The following ZBTB37 variants were observed in gnomAD, a reference collection of about 807,000 sequenced individuals.
ZBTB37 encodes the protein zinc finger and BTB domain containing 37.
ZBTB37 carries 15 observed loss-of-function variants against 37.7 expected under a neutral mutation model. That is an observed-to-expected ratio of 0.40 (90% CI 0.27 to 0.61). The LOEUF (loss-of-function observed/expected upper bound fraction) is 0.61, where lower values mean the gene tolerates loss of function less well. Among genes scored for constraint, ZBTB37 ranks in the 20% least tolerant of loss-of-function variants. The pLI, the probability that ZBTB37 is intolerant of heterozygous loss-of-function variation, is 0.44. For synonymous variants in ZBTB37, 231 were observed against 220.6 expected (o/e 1.05, Z -0.42); for missense variants, 514 against 641.9 (o/e 0.80, Z 2.15).
At chr1:173,889,781 A>T (rs1656772127), downstream of ZBTB37, 1 of 152,240 alleles carries the variant, frequency 6.6e-6, no homozygotes, top group Non-Finnish European at 1.5e-5. Flanking sequence ...ATAGAGGGTT[A>T]AATCTAATCT....
chr1:173,899,597 T>G (rs1291482268), exon 4 of ZBTB37: 2 of 152,214 alleles, frequency 1.3e-5, no homozygotes, highest in East Asian at 3.8e-4. Flanking sequence ...TTCTTCATAT[T>G]GGTTGCACAT....
chr1:173,892,449 T>C (rs1287309851), exon 4 of ZBTB37: 1 of 152,234 alleles, frequency 6.6e-6, no homozygotes, highest in Admixed American at 6.5e-5. Context: ...CAGGCTTTTT[T>C]GTTCAGGATA....
chr1:173,885,548 G>T, intron 4 of ZBTB37, 88 bp from the exon 5 acceptor site: 1 of 1,143,280 alleles, frequency 8.7e-7, no homozygotes, highest in Non-Finnish European at 1.2e-6. Context: ...ATATATCTTA[G>T]TAACAAGTAA....
chr1:173,873,549 A>C (rs764298448), exon 4 of ZBTB37: 1 of 1,614,026 alleles, frequency 6.2e-7, no homozygotes, highest in South Asian at 1.1e-5. Flanking sequence ...GGATGAGCCT[A>C]AGCAACCCAG....
exon 4 of ZBTB37, chr1:173,894,618 A>G (rs1228785465): frequency 6.6e-6 from 1 of 152,248 alleles, no homozygotes; most frequent in Non-Finnish European, 1.5e-5. Flanking sequence ...GGCCAGGCCT[A>G]GAATTATCAT....
exon 4 of ZBTB37, chr1:173,897,288 T>C (rs1657086620): frequency 6.6e-6 from 1 of 152,220 alleles, no homozygotes; most frequent in Admixed American, 6.5e-5. Flanking sequence ...CTATGAGAGC[T>C]TTTTGTTACT....
chr1:173,899,911 A>G (rs1657193647), exon 4 of ZBTB37: 1 of 152,232 alleles, frequency 6.6e-6, no homozygotes, highest in Admixed American at 6.5e-5. Context: ...TTTCCTCTCT[A>G]TACCAAATAC....
rs768934762 is a variant in ZBTB37, at chr1:173,873,667, A to G, written c.1023+101A>G. 2.0e-6 allele frequency: 3 copies of G among 1,506,324 alleles called. No individual in the cohort carries two copies. In the African/African-American group the frequency reaches 4.2e-5, roughly 21 times the overall value. The allele number at this position is 1,506,324 out of a possible 1,614,324, so 93.3% of individuals were successfully genotyped here. Reference sequence around the variant, plus strand: ...AAGAAAAGATGTAGGAGAGGTAACAATGGCCCTGTTAAAGAAATACTGTAT... The same window carrying G: ...AAGAAAAGATGTAGGAGAGGTAACAGTGGCCCTGTTAAAGAAATACTGTAT... On this transcript the variant is annotated intron_variant, in intron 4 of 4. Coordinates refer to ENST00000427304, the Ensembl canonical transcript of ZBTB37.
At chr1:173,872,611 G>A (rs1480878359) in intron 3 of ZBTB37, among the ~76,000 whole-genome samples, 1 of 151,988 alleles carries the variant, frequency 6.6e-6, no homozygotes, top group Admixed American at 6.6e-5. Context: ...CGGGTGATGG[G>A]TGCACCAAAA....
At chr1:173,886,386 C>A (rs1295859777) in exon 5 of ZBTB37, 4 of 488,060 alleles carry the variant, frequency 8.2e-6, no homozygotes, top group Non-Finnish European at 1.1e-5. Flanking sequence ...GGTTTGTTAA[C>A]TTTATAAGAA....
chr1:173,899,521 C>G (rs1162698201), exon 4 of ZBTB37: 3 of 152,150 alleles, frequency 2.0e-5, no homozygotes, highest in Non-Finnish European at 4.4e-5. Flanking sequence ...GGAGTCTTAC[C>G]TTTTCTCTCT....
chr1:173,870,696 A>G (rs1557881498), exon 3 of ZBTB37: 4 of 1,614,206 alleles, frequency 2.5e-6, no homozygotes, highest in Non-Finnish European at 3.4e-6. Context: ...GGGTTACACC[A>G]AATCTCAACC....
downstream of ZBTB37, chr1:173,891,324 C>T (rs1325251550): frequency 6.6e-6 from 1 of 152,140 alleles, no homozygotes; most frequent in Admixed American, 6.6e-5. Flanking sequence ...TGGATTAGAA[C>T]CCCTACCTTT....
intron 4 of ZBTB37, among the ~76,000 whole-genome samples, chr1:173,875,801 C>T (rs771968101): frequency 5.3e-5 from 8 of 151,928 alleles, no homozygotes; most frequent in African/African-American, 1.5e-4. Context: ...ACCACAGATG[C>T]GCACTACCAT....
chr1:173,872,011 G>A (rs1655597617), intron 3 of ZBTB37, among the ~76,000 whole-genome samples: 2 of 152,220 alleles, frequency 1.3e-5, no homozygotes, highest in Non-Finnish European at 2.9e-5. Context: ...AGAAACAAAT[G>A]TATCACAGAG....
exon 5 of ZBTB37, chr1:173,886,194 C>T: frequency 6.8e-7 from 1 of 1,473,612 alleles, no homozygotes; most frequent in Non-Finnish European, 9.0e-7. Flanking sequence ...GAGCCATGGG[C>T]TGATACTTAG....
chr1:173,885,586 A>G, intron 4 of ZBTB37, 50 bp from the exon 5 acceptor site: 4 of 1,413,084 alleles, frequency 2.8e-6, no homozygotes, highest in South Asian at 1.4e-5. Context: ...TTTAATATGT[A>G]TGCTTAATAA....
intron 3 of ZBTB37, 71 bp downstream of exon 3, chr1:173,871,219 G>C: frequency 1.5e-6 from 2 of 1,362,186 alleles, no homozygotes; most frequent in Non-Finnish European, 2.0e-6. Context: ...GTCCTCTGTA[G>C]TACAGAGAGC....
At chr1:173,868,332 C>G (rs926380234), upstream of ZBTB37, 2 of 153,012 alleles carry the variant, frequency 1.3e-5, no homozygotes, top group Non-Finnish European at 2.9e-5. Context: ...GTCGCCCGCT[C>G]CGTGGGAGGG....
Sources: gnomAD v4.1 joint callset for allele counts (sites outside exome capture counted in the v4.1 genomes callset) on GRCh38, gnomAD v4.1.1 for gene constraint, MANE v1.5 for transcripts, NCBI Gene and HGNC (gene_info 2026-07-23, HGNC 2026-07-21) for gene names.